SAXO1: variants seen among roughly 807,000 people sequenced by gnomAD.
SAXO1 encodes the protein stabilizer of axonemal microtubules 1.
SAXO1 carries 21 observed loss-of-function variants against 17.5 expected under a neutral mutation model. The observed-to-expected ratio is 1.20, with a 90% CI of 0.85 to 1.72. The LOEUF (loss-of-function observed/expected upper bound fraction) is 1.72, where lower values mean the gene tolerates loss of function less well. SAXO1 is among the 40% of genes most tolerant of loss of function. SAXO1 has a pLI of 0.00. For synonymous variants in SAXO1, 274 were observed against 216.5 expected, an observed-to-expected ratio of 1.27 and a Z score of -2.33; for missense variants, 843 against 596.0, an observed-to-expected ratio of 1.41 and a Z score of -4.32.
chr9:19,039,320 G>A (rs1158420395), intron 1 of SAXO1, among the ~76,000 whole-genome samples: 4 of 152,070 alleles, frequency 2.6e-5, no homozygotes, highest in South Asian at 4.2e-4. Context: ...ACAAAATAAC[G>A]GTATTGTTGG....
chr9:19,009,717 C>T (rs565204896), intron 1 of SAXO1, among the ~76,000 whole-genome samples: 20 of 152,278 alleles, frequency 1.3e-4, no homozygotes, highest in African/African-American at 4.8e-4. Context: ...GACCTGCTTA[C>T]ACTCTTTCAT....
chr9:18,966,788 G>A (rs1022850298), intron 1 of SAXO1, among the ~76,000 whole-genome samples: 1 of 152,126 alleles, frequency 6.6e-6, no homozygotes, highest in Non-Finnish European at 1.5e-5. Context: ...TCCTTTACTG[G>A]TGAGGAGTTG....
chr9:18,980,252 G>C (rs938279441), intron 1 of SAXO1, among the ~76,000 whole-genome samples: 1 of 152,114 alleles, frequency 6.6e-6, no homozygotes, highest in African/African-American at 2.4e-5. Flanking sequence ...GGCACCTTTT[G>C]ACAAACTCCC....
chr9:19,026,361 G>C (rs1835470935), intron 1 of SAXO1, among the ~76,000 whole-genome samples: 1 of 152,128 alleles, frequency 6.6e-6, no homozygotes, highest in Non-Finnish European at 1.5e-5. Flanking sequence ...CCTAAATTGT[G>C]CCTGAAGCTT....
chr9:18,928,467 G>A lies in SAXO1; in HGVS notation c.1010C>T (p.Ser337Phe), dbSNP rs1273740080. 1 of 1,612,348 alleles carries A rather than the reference G, an allele frequency of 6.2e-7. No homozygotes were observed. Among genetic ancestry groups the A allele is most frequent in the Non-Finnish European group, 8.5e-7 (1 of 1,179,024 alleles). The change falls in exon 4 of 4, where the codon TCT (serine) becomes TTT (phenylalanine). Residue 337 changes from serine to phenylalanine, a missense_variant. Physicochemically the swap from Ser to Phe is radical, Grantham distance 155. Transcript: ENST00000380534. ...CTTGTAGTCATCCTTGGTGGTGGAA[G>A]AGCCTTCAAAGCGACCGCACTTCTT... ...QIKKCGRFEGSSTTKDDYKQW... is the reference protein window; with the variant it reads ...QIKKCGRFEGFSTTKDDYKQW...
Position 19,033,004 on chromosome 9 carries a change from C to T in SAXO1, c.-96G>A, listed in dbSNP as rs987545154. The T allele has an allele frequency of 8.2e-6, 11 of 1,337,066 alleles. No homozygotes were observed. The highest frequency in any genetic ancestry group is 1.4e-5 in the South Asian group (1 of 69,456). The allele number at this position is 1,337,066 out of a possible 1,614,324, so 82.8% of individuals were successfully genotyped here. ...ACCTGTCTTGGGGCACGCCCAGGCT[C>T]GAGGGTCTTGGCAGGTGTTCTGTTT... is the stretch of plus-strand genomic sequence containing the variant. On this transcript the variant is annotated 5_prime_UTR_variant, in exon 1 of 4. Coordinates refer to ENST00000380534, the MANE Select transcript of SAXO1 (RefSeq NM_153707.4).
intron 1 of SAXO1, among the ~76,000 whole-genome samples, chr9:19,011,924 C>T (rs557198437): frequency 3.3e-5 from 5 of 151,246 alleles, no homozygotes; most frequent in African/African-American, 1.2e-4. Flanking sequence ...CAGGTCACTG[C>T]AACCTCTGCC....
intron 3 of SAXO1, among the ~76,000 whole-genome samples, chr9:18,935,553 T>G (rs1831249338): frequency 6.6e-6 from 1 of 152,070 alleles, no homozygotes; most frequent in Admixed American, 6.6e-5. Flanking sequence ...GGATGATGAG[T>G]TGATAGATGG....
At chr9:18,965,858 G>T (rs552377508) in intron 1 of SAXO1, among the ~76,000 whole-genome samples, 25 of 152,200 alleles carry the variant, frequency 1.6e-4, no homozygotes, top group South Asian at 2.1e-4. Context: ...TTTACATTTC[G>T]TTATGTTTTT....
intron 1 of SAXO1, among the ~76,000 whole-genome samples, chr9:18,958,177 A>G (rs947108209): frequency 1.3e-5 from 2 of 152,152 alleles, no homozygotes; most frequent in Non-Finnish European, 2.9e-5. Context: ...TAACCCCAGC[A>G]CATTGGGAGG....
chr9:18,935,183 G>A (rs1831232152), intron 3 of SAXO1, among the ~76,000 whole-genome samples: 1 of 152,122 alleles, frequency 6.6e-6, no homozygotes, highest in Non-Finnish European at 1.5e-5. Context: ...CAAAGTGCTA[G>A]GATTATAGAC....
chr9:18,974,100 T>A (rs542552415), intron 1 of SAXO1, among the ~76,000 whole-genome samples: 3 of 151,966 alleles, frequency 2.0e-5, no homozygotes, highest in Admixed American at 6.6e-5. Context: ...CAGTAAGGGG[T>A]TGTAGGTACA....
At chr9:18,951,148 T>A (rs1832023046) in intron 1 of SAXO1, among the ~76,000 whole-genome samples, 1 of 152,156 alleles carries the variant, frequency 6.6e-6, no homozygotes, top group Admixed American at 6.5e-5. Context: ...TAATAAAAAT[T>A]CCTTGGATCA....
At chr9:18,944,336 T>C (rs1831703856) in intron 2 of SAXO1, among the ~76,000 whole-genome samples, 1 of 152,254 alleles carries the variant, frequency 6.6e-6, no homozygotes, top group Non-Finnish European at 1.5e-5. Flanking sequence ...CCTCATTATG[T>C]TTTTATGTTG....
intron 1 of SAXO1, among the ~76,000 whole-genome samples, chr9:19,024,122 T>C (rs1429658931): frequency 2.0e-5 from 3 of 147,414 alleles, no homozygotes; most frequent in African/African-American, 7.5e-5. Flanking sequence ...GTTCACATTC[T>C]GAGACATGTA....
At chr9:18,933,001 A>G (rs571821030) in intron 3 of SAXO1, among the ~76,000 whole-genome samples, 1 of 152,324 alleles carries the variant, frequency 6.6e-6, no homozygotes, top group South Asian at 2.1e-4. Flanking sequence ...TTGAGCCTAG[A>G]TACATTTACT....
At chr9:19,008,941 C>G (rs1041840350) in intron 1 of SAXO1, among the ~76,000 whole-genome samples, 1 of 152,204 alleles carries the variant, frequency 6.6e-6, no homozygotes, top group Non-Finnish European at 1.5e-5. Context: ...GTTCATTAAT[C>G]ACCAAATTGA....
intron 1 of SAXO1, among the ~76,000 whole-genome samples, chr9:18,975,841 G>A (rs1193151968): frequency 2.0e-5 from 3 of 152,082 alleles, no homozygotes; most frequent in Admixed American, 6.6e-5. Context: ...TGTGCTGAGC[G>A]AAAAGTGAGA....
intron 1 of SAXO1, among the ~76,000 whole-genome samples, chr9:19,026,062 A>G (rs1191120477): frequency 1.3e-5 from 2 of 152,088 alleles, no homozygotes; most frequent in African/African-American, 4.8e-5. Flanking sequence ...GGGTGACTAT[A>G]GTTATAATTT....
Sources: gnomAD v4.1 joint callset for allele counts (sites outside exome capture counted in the v4.1 genomes callset) on GRCh38, gnomAD v4.1.1 for gene constraint, MANE v1.5 for transcripts, NCBI Gene and HGNC (gene_info 2026-07-23, HGNC 2026-07-21) for gene names.